Variants in TYMP observed in about 807,000 individuals in gnomAD.
TYMP encodes the protein thymidine phosphorylase, also known as gliostatin.
A neutral mutation model predicts 42.3 loss-of-function variants in TYMP; 46 were observed. The observed-to-expected ratio is 1.09, with a 90% CI of 0.86 to 1.39. The LOEUF is 1.39. Among genes scored for constraint, TYMP ranks in the 40% most tolerant of loss-of-function variants. The probability of loss-of-function intolerance (pLI) is 0.00; values close to 1 mark genes in which losing one functional copy is unlikely to be tolerated. For synonymous variants in TYMP, 363 were observed against 308.0 expected, an observed-to-expected ratio of 1.18 and a Z score of -1.87; for missense variants, 837 against 677.6, an observed-to-expected ratio of 1.24 and a Z score of -2.61.
In TYMP at chr22:50,528,029, T is replaced by C. The variant is rs540150063; in HGVS notation, c.517-312A>G. On this transcript the variant is annotated intron_variant, in intron 4 of 9. Coordinates refer to ENST00000252029, the MANE Select transcript of TYMP (RefSeq NM_001953.5). ...TGGGCTCCTCTGCCTCCCAGAGTGC[T>C]GGGACAGGGTCTCACTCTGTTGCCC... The C allele has an allele frequency of 1.7e-5, 7 of 409,012 alleles. 1 individual carries two copies. Among genetic ancestry groups the C allele is most frequent in the South Asian group, 1.6e-4 (7 of 45,104 alleles). The allele number at this position is 409,012 out of a possible 1,614,324, so 25.3% of individuals were successfully genotyped here.
chr22:50,526,860 G>T (rs2069408480), intron 6 of TYMP, 122 bp from the exon 7 acceptor site: 1 of 1,052,352 alleles, frequency 9.5e-7, no homozygotes, highest in South Asian at 1.5e-5. Context: ...GTCAGGGAAG[G>T]ATTGGGGTGG....
At position 50,526,426 on chromosome 22, in the gene TYMP, C is replaced by T. The variant is rs1412008628; in HGVS notation, c.979G>A (p.Ala327Thr). ...SGHAGTQAQG[A>T]ARVAAALDDG... is the part of the protein sequence containing the mutation. The stretch of plus-strand genomic sequence containing the variant: ...TCCAGCGCCGCGGCCACCCGGGCAG[C>T]GCCCTGGGCCTGAGTCCCCGCGTGT... Residue 327 changes from alanine to threonine, a missense_variant, in exon 8 of 10, where the codon GCT becomes ACT. Coordinates refer to ENST00000252029, the MANE Select transcript of TYMP (RefSeq NM_001953.5). The T allele has an allele frequency of 1.3e-6, 2 of 1,503,532 alleles. No homozygotes were observed. The highest frequency in any genetic ancestry group is 2.1e-5 in the Admixed American group (1 of 46,748). The allele number at this position is 1,503,532 out of a possible 1,614,324, so 93.1% of individuals were successfully genotyped here. A position where few individuals can be genotyped will look rare whatever the true frequency, so the allele number is the denominator to read the frequency against.
Position 50,529,693 on chromosome 22 carries a change from GTCA to G in TYMP, c.14_16del (p.Met5del), listed in dbSNP as rs754462773. 6.2e-6 allele frequency: 10 copies of G among 1,611,062 alleles called. No individual in the cohort carries two copies. The highest frequency in any genetic ancestry group is 8.5e-6 in the Non-Finnish European group (10 of 1,179,346). On this transcript the variant is annotated inframe_deletion, in exon 2 of 10. Transcript: ENST00000252029. ...CGCGGGTGGGGCCCCGGTTCCCGGGGTCATCAAGGCTGCCATCGCTCCGGGCCT... is the reference window on the plus strand; with the variant it reads ...CGCGGGTGGGGCCCCGGTTCCCGGGGTCAAGGCTGCCATCGCTCCGGGCCT...
chr22:50,528,681 C>A, intron 3 of TYMP, 71 bp from the exon 4 acceptor site: 1 of 1,253,318 alleles, frequency 8.0e-7, no homozygotes. Flanking sequence ...TTCACCTTCC[C>A]TGGCTAGGAG....
At position 50,529,507 on chromosome 22, in the gene TYMP, C is replaced by T. The variant is rs1199629120; in HGVS notation, c.203G>A (p.Gly68Asp). ...VAAVVNGSAQ[G>D]AQIGAMLMAI... is the part of the protein sequence containing the mutation. Reference sequence around the variant, plus strand: ...CCCTCCCCACGCACCGATCTGTGCGCCCTGCGCGCTCCCATTCACCACAGC... The same window carrying T: ...CCCTCCCCACGCACCGATCTGTGCGTCCTGCGCGCTCCCATTCACCACAGC... The change falls in exon 2 of 10, where the codon GGC (glycine) becomes GAC (aspartate). Residue 68 changes from glycine to aspartate, a missense_variant. Physicochemically the swap from Gly to Asp is moderately conservative, Grantham distance 94 (BLOSUM62 -1). Coordinates refer to ENST00000252029, the MANE Select transcript of TYMP (RefSeq NM_001953.5). 6.2e-7 allele frequency: 1 copy of T among 1,612,850 alleles called. No individual in the cohort carries two copies. The highest frequency in any genetic ancestry group is 8.5e-7 in the Non-Finnish European group (1 of 1,179,916).
At position 50,526,696 on chromosome 22, in the gene TYMP, G is replaced by A; in HGVS notation, c.808C>T (p.Leu270=). ...CCCAGGGGCTTGTCCATGGCGGTCAGCGCTGCCGCGACCCGAAGCCCTAGG... is the reference window on the plus strand; with the variant it reads ...CCCAGGGGCTTGTCCATGGCGGTCAACGCTGCCGCGACCCGAAGCCCTAGG... The part of the protein sequence containing the change: ...ASLGLRVAAA[L]TAMDKPLGRC... Residue 270 remains leucine (L), a synonymous_variant, in exon 7 of 10, where the codon CTG becomes TTG. Coordinates refer to ENST00000252029, the MANE Select transcript of TYMP (RefSeq NM_001953.5). The A allele has an allele frequency of 6.5e-7, 1 of 1,542,486 alleles. No homozygotes were observed. Among genetic ancestry groups the A allele is most frequent in the Non-Finnish European group, 8.7e-7 (1 of 1,148,150 alleles).
At chr22:50,527,330 T>A (rs376448248) in intron 5 of TYMP, 47 bp from the exon 6 acceptor site, 180 of 1,517,614 alleles carry the variant, frequency 1.2e-4, no homozygotes, top group Admixed American at 2.5e-4. Flanking sequence ...AACCTGGAGC[T>A]TCTTGGGAGA....
chr22:50,529,865 T>C, intron 1 of TYMP, 39 bp downstream of exon 1: 2 of 712,876 alleles, frequency 2.8e-6, no homozygotes, highest in Non-Finnish European at 4.6e-6. Flanking sequence ...CGTGTCTGCC[T>C]CCCGCTTCCC....
intron 3 of TYMP, 50 bp from the exon 4 acceptor site, chr22:50,528,660 C>G (rs1303360835): frequency 7.1e-7 from 1 of 1,406,060 alleles, no homozygotes; most frequent in Non-Finnish European, 1.0e-6. Flanking sequence ...TCCCCCACCT[C>G]TGTGCATCCC....
At chr22:50,528,417 A>C in intron 4 of TYMP, 95 bp downstream of exon 4, 2 of 1,078,232 alleles carry the variant, frequency 1.9e-6, no homozygotes, top group Non-Finnish European at 2.8e-6. Context: ...TGTTCTCATT[A>C]GTGACCCTAA....
rs1035967828 is a variant in TYMP, at chr22:50,526,046, C to T, written c.1255G>A (p.Val419Met). Residue 419 changes from valine to methionine, a missense_variant, in exon 9 of 10, where the codon GTG becomes ATG. Physicochemically the swap from Val to Met is conservative, Grantham distance 21. Transcript: ENST00000252029. ...SRAGEPLRLG[V>M]GAELLVDVGQ... ...ACGTCGACCAGCAGCTCTGCGCCCA[C>T]CCCCAGGCGGAGCGGCTCCCCAGCG... The T allele has an allele frequency of 1.0e-5, 15 of 1,481,140 alleles. No individual in the cohort carries two copies. The Admixed American group carries it at 2.1e-4, about 20-fold the overall frequency. 91.7% of individuals were successfully genotyped at this position (1,481,140 alleles called of 1,614,324 possible). A position where few individuals can be genotyped will look rare whatever the true frequency, so the allele number is the denominator to read the frequency against.
chr22:50,528,734 C>G, intron 3 of TYMP, 124 bp from the exon 4 acceptor site: 1 of 780,882 alleles, frequency 1.3e-6, no homozygotes, highest in Non-Finnish European at 2.2e-6. Context: ...ATAGGGGTGC[C>G]CAGCTGGTGA....
At chr22:50,527,559 T>C (rs953808377) in intron 5 of TYMP, 29 bp downstream of exon 5, 6 of 1,613,848 alleles carry the variant, frequency 3.7e-6, no homozygotes, top group Non-Finnish European at 5.1e-6. Flanking sequence ...CCTGTGAACA[T>C]GCAGAAGCAG....
In TYMP at chr22:50,529,489, C is replaced by A; in HGVS notation, c.214+7G>T. ...GGGGTCAGGAACGCCCAACCCTCCCCACGCACCGATCTGTGCGCCCTGCGC... is the reference window on the plus strand; with the variant it reads ...GGGGTCAGGAACGCCCAACCCTCCCAACGCACCGATCTGTGCGCCCTGCGC... On this transcript the variant is annotated splice_region_variant and intron_variant, in intron 2 of 9. Transcript: ENST00000252029. 6.2e-7 allele frequency: 1 copy of A among 1,612,312 alleles called. No homozygotes were observed. Among genetic ancestry groups the A allele is most frequent in the Non-Finnish European group, 8.5e-7 (1 of 1,179,838 alleles).
chr22:50,527,525 T>TA, intron 5 of TYMP, 63 bp downstream of exon 5: 1 of 1,613,166 alleles, frequency 6.2e-7, no homozygotes, highest in Non-Finnish European at 8.5e-7. Flanking sequence ...GAGAGGCCCT[T>TA]GACTTGAGTT....
chr22:50,527,037 G>C, intron 6 of TYMP, 128 bp downstream of exon 6: 4 of 831,232 alleles, frequency 4.8e-6, no homozygotes, highest in Non-Finnish European at 8.2e-6. Context: ...AGGGACTTCG[G>C]GCAGAAGAGG....
At chr22:50,526,783 C>G (rs1395947421) in intron 6 of TYMP, 45 bp from the exon 7 acceptor site, 5 of 1,524,916 alleles carry the variant, frequency 3.3e-6, no homozygotes, top group Non-Finnish European at 2.6e-6. Context: ...GCGGGGCCTT[C>G]TGCAGCCGGT....
At position 50,529,993 on chromosome 22, in the gene TYMP, T is replaced by G; in HGVS notation, c.-100A>C. ...CGGGTCGGGACCGTAGGGTTCAGGGTTCGCGCACAGCGGTCCACTGCCGGC... is the reference window on the plus strand; with the variant it reads ...CGGGTCGGGACCGTAGGGTTCAGGGGTCGCGCACAGCGGTCCACTGCCGGC... On this transcript the variant is annotated 5_prime_UTR_variant, in exon 1 of 10. Coordinates refer to ENST00000252029, the MANE Select transcript of TYMP (RefSeq NM_001953.5). 2.1e-6 allele frequency: 1 copy of G among 477,796 alleles called. No homozygotes were observed. The allele number at this position is 477,796 out of a possible 1,614,324, so 29.6% of individuals were successfully genotyped here.
intron 6 of TYMP, among the ~76,000 whole-genome samples, 161 bp downstream of exon 6, chr22:50,527,004 G>T (rs1378350155): frequency 6.6e-6 from 1 of 152,266 alleles, no homozygotes; most frequent in Non-Finnish European, 1.5e-5. Flanking sequence ...AGTCACAGCA[G>T]GTTAGGAAGC....
Sources: gnomAD v4.1 joint callset for allele counts (sites outside exome capture counted in the v4.1 genomes callset) on GRCh38, gnomAD v4.1.1 for gene constraint, MANE v1.5 for transcripts, NCBI Gene and HGNC (gene_info 2026-07-23, HGNC 2026-07-21) for gene names.